The following ABI2 variants were observed in gnomAD, a reference collection of about 807,000 sequenced individuals.
ABI2 encodes the protein abl interactor 2, also known as abelson interactor 2.
ABI2 carries 25 observed loss-of-function variants against 59.2 expected under a neutral mutation model. The ratio of observed to expected loss-of-function variants is 0.42; its 90% confidence interval spans 0.31 to 0.59. ABI2 has a LOEUF of 0.59. Ranked by LOEUF, ABI2 falls within the 20% of genes least tolerant of loss-of-function variation. The probability of loss-of-function intolerance (pLI) is 0.14; values close to 1 mark genes in which losing one functional copy is unlikely to be tolerated. For synonymous variants in ABI2, 213 were observed against 235.5 expected (o/e 0.90, Z 0.87); for missense variants, 545 against 681.8 (o/e 0.80, Z 2.23).
intron 9 of ABI2, among the ~76,000 whole-genome samples, chr2:203,408,200 T>C (rs1416751084): frequency 3.9e-5 from 6 of 151,902 alleles, no homozygotes; most frequent in Non-Finnish European, 7.4e-5. Context: ...TTTGCTCTTG[T>C]TGCCCAGGCT....
intron 8 of ABI2, among the ~76,000 whole-genome samples, chr2:203,399,914 A>T (rs148994207): frequency 6.6e-6 from 1 of 152,126 alleles, no homozygotes; most frequent in African/African-American, 2.4e-5. Context: ...TCGTGCTTTG[A>T]TGGCATATCT....
chr2:203,329,684 C>CTT (rs952328119), intron 1 of ABI2, among the ~76,000 whole-genome samples: 3 of 145,156 alleles, frequency 2.1e-5, no homozygotes, highest in African/African-American at 5.0e-5. Context: ...TCTTCACAGT[C>CTT]TTTTTTTTTT....
At chr2:203,341,610 T>A (rs2079960960) in intron 1 of ABI2, among the ~76,000 whole-genome samples, 1 of 152,032 alleles carries the variant, frequency 6.6e-6, no homozygotes, top group Admixed American at 6.6e-5. Flanking sequence ...CTCGGGAGGC[T>A]GAGGCACGAG....
At chr2:203,352,649 G>A (rs2089556202) in intron 1 of ABI2, among the ~76,000 whole-genome samples, 1 of 152,154 alleles carries the variant, frequency 6.6e-6, no homozygotes, top group African/African-American at 2.4e-5. Context: ...TATTACAACA[G>A]TCAAAAGTTT....
intron 10 of ABI2, among the ~76,000 whole-genome samples, chr2:203,416,702 C>T (rs960995889): frequency 2.0e-5 from 3 of 152,144 alleles, no homozygotes; most frequent in African/African-American, 7.2e-5. Flanking sequence ...TAGCATTAAT[C>T]CAAGGGCAAG....
At chr2:203,367,246 C>A in intron 2 of ABI2, 1 of 631,996 alleles carries the variant, frequency 1.6e-6, no homozygotes, top group Non-Finnish European at 2.2e-6. Context: ...GAAAGTAAAT[C>A]GTAATGAATT....
At chr2:203,351,650 C>T in intron 1 of ABI2, 1 of 403,822 alleles carries the variant, frequency 2.5e-6, no homozygotes, top group South Asian at 1.8e-5. Context: ...ATCATCCTGC[C>T]TCAGTCTCTC....
intron 10 of ABI2, among the ~76,000 whole-genome samples, chr2:203,413,410 G>A (rs2097759595): frequency 6.6e-6 from 1 of 152,170 alleles, no homozygotes; most frequent in East Asian, 1.9e-4. Flanking sequence ...TAATAGTAAA[G>A]TGCATGACTA....
At chr2:203,340,438 C>G (rs1264592294) in intron 1 of ABI2, among the ~76,000 whole-genome samples, 1 of 151,876 alleles carries the variant, frequency 6.6e-6, no homozygotes, top group Non-Finnish European at 1.5e-5. Context: ...ATGATCACGG[C>G]TCACTGCAGC....
chr2:203,402,747 G>A lies in ABI2; in HGVS notation c.1192+13G>A, dbSNP rs2097271450. The stretch of plus-strand genomic sequence containing the variant: ...AGCCAGAATCCAGGTTAGTTTTTTT[G>A]TTTTTTTGCATTCTATAGAATGTAT... On this transcript the variant is annotated intron_variant, in intron 9 of 11. Coordinates refer to ENST00000261018, the MANE Select transcript of ABI2 (RefSeq NM_001375670.1). The A allele has an allele frequency of 1.9e-6, 3 of 1,547,158 alleles. No individual in the cohort carries two copies. Among genetic ancestry groups the A allele is most frequent in the African/African-American group, 1.4e-5 (1 of 71,240 alleles).
intron 10 of ABI2, among the ~76,000 whole-genome samples, chr2:203,411,849 C>A (rs1029532692): frequency 6.6e-6 from 1 of 152,146 alleles, no homozygotes; most frequent in African/African-American, 2.4e-5. Context: ...TTTCCCTTGG[C>A]CTGTTCAGGT....
intron 1 of ABI2, among the ~76,000 whole-genome samples, chr2:203,346,465 G>A (rs1013724265): frequency 6.6e-6 from 1 of 152,238 alleles, no homozygotes; most frequent in Admixed American, 6.5e-5. Context: ...CACATCAGCT[G>A]TAAGAAGGAA....
At chr2:203,372,863 C>A (rs376964095) in intron 2 of ABI2, among the ~76,000 whole-genome samples, 1 of 151,548 alleles carries the variant, frequency 6.6e-6, no homozygotes, top group African/African-American at 2.4e-5. Flanking sequence ...ATATCCCAGA[C>A]GGGGCGGCGG....
intron 7 of ABI2, 43 bp from the exon 8 acceptor site, chr2:203,396,742 G>A: frequency 6.8e-7 from 1 of 1,475,134 alleles, no homozygotes; most frequent in South Asian, 1.4e-5. Context: ...TGCCTCATGT[G>A]ATTGCCTCAT....
intron 11 of ABI2, among the ~76,000 whole-genome samples, chr2:203,420,201 C>A (rs371727199): frequency 1.2e-4 from 18 of 152,148 alleles, no homozygotes; most frequent in East Asian, 5.8e-4. Flanking sequence ...AGGATTGAGT[C>A]TTGGCTTTAC....
intron 9 of ABI2, among the ~76,000 whole-genome samples, chr2:203,406,147 G>A (rs2097417929): frequency 1.3e-5 from 2 of 152,156 alleles, no homozygotes; most frequent in African/African-American, 4.8e-5. Context: ...GGCTAATTAT[G>A]AGTTAACAGT....
intron 9 of ABI2, 54 bp downstream of exon 9, chr2:203,402,788 C>T (rs1242130330): frequency 1.4e-6 from 2 of 1,430,032 alleles, no homozygotes; most frequent in Non-Finnish European, 1.9e-6. Flanking sequence ...TAAAAACCTT[C>T]AACTACAAAA....
intron 1 of ABI2, among the ~76,000 whole-genome samples, chr2:203,344,510 C>A (rs2081977994): frequency 6.6e-6 from 1 of 151,808 alleles, no homozygotes; most frequent in African/African-American, 2.4e-5. Flanking sequence ...TGATTACAGG[C>A]AACTGCCGCC....
rs2077082990 is a variant in ABI2 at position 203,337,663 on chromosome 2, T to TA, written c.117+9033dup. On this transcript the variant is annotated intron_variant, in intron 1 of 11. Transcript: ENST00000261018. Reference sequence around the variant, plus strand: ...CTAAAATTCATAGGAAACCACAAAATACTTTGAATAGCCAAAGCAGTTTTG... The same window carrying TA: ...CTAAAATTCATAGGAAACCACAAAATAACTTTGAATAGCCAAAGCAGTTTTG... Among the ~76,000 whole-genome samples the TA allele has an allele frequency of 2.6e-5, 4 of 152,200 alleles. No homozygotes were observed. In the South Asian group the frequency reaches 6.2e-4, roughly 24 times the overall value.
Sources: gnomAD v4.1 joint callset for allele counts (sites outside exome capture counted in the v4.1 genomes callset) on GRCh38, gnomAD v4.1.1 for gene constraint, MANE v1.5 for transcripts, NCBI Gene and HGNC (gene_info 2026-07-23, HGNC 2026-07-21) for gene names.